RYR3: variants seen among roughly 807,000 people sequenced by gnomAD.
RYR3 encodes ryanodine receptor 3.
In RYR3, 207 loss-of-function variants were observed where a neutral mutation model predicts 584.3. The ratio of observed to expected loss-of-function variants is 0.35; its 90% CI spans 0.32 to 0.40. The LOEUF (loss-of-function observed/expected upper bound fraction) is 0.40, where lower values mean the gene tolerates loss of function less well. RYR3 is among the 10% of genes least tolerant of loss of function. The pLI is 1.00. For synonymous variants in RYR3, 2,416 were observed against 2,248.5 expected (o/e 1.07, Z -2.11); for missense variants, 5,616 against 6,089.2 (o/e 0.92, Z 2.59).
intron 1 of RYR3, among the ~76,000 whole-genome samples, chr15:33,324,393 C>G (rs16969353): frequency 0.11 from 17,295 of 152,146 alleles, 1,514 homozygotes; most frequent in African/African-American, 0.24. Flanking sequence ...AGCACAGAGT[C>G]CAAACATCAC....
intron 96 of RYR3, among the ~76,000 whole-genome samples, chr15:33,853,939 A>G (rs1010922468): frequency 3.3e-5 from 5 of 152,116 alleles, no homozygotes; most frequent in African/African-American, 1.2e-4. Flanking sequence ...CATACCTGTA[A>G]TCCCAGCACT....
intron 1 of RYR3, among the ~76,000 whole-genome samples, chr15:33,470,357 T>A (rs2048830580): frequency 6.6e-6 from 1 of 152,128 alleles, no homozygotes; most frequent in South Asian, 2.1e-4. Flanking sequence ...GAAAATTTTG[T>A]GGTCTTGTTC....
intron 60 of RYR3, among the ~76,000 whole-genome samples, chr15:33,765,632 CAAAAA>C (rs761552773): frequency 3.3e-5 from 2 of 60,950 alleles, no homozygotes; most frequent in Non-Finnish European, 6.7e-5. Flanking sequence ...GACTCCGTCT[CAAAAA>C]AAAAAAAAAA....
intron 3 of RYR3, among the ~76,000 whole-genome samples, chr15:33,520,160 T>G (rs898955183): frequency 2.0e-4 from 31 of 152,346 alleles, no homozygotes; most frequent in African/African-American, 7.5e-4. Context: ...TTATAGCTTG[T>G]GTGGGTAAAG....
intron 2 of RYR3, among the ~76,000 whole-genome samples, chr15:33,492,891 C>T (rs894986851): frequency 2.6e-4 from 40 of 152,140 alleles, no homozygotes; most frequent in Non-Finnish European, 5.1e-4. Flanking sequence ...CCAAGAGACA[C>T]AGATTCTCCC....
intron 1 of RYR3, among the ~76,000 whole-genome samples, chr15:33,349,835 A>G (rs1168681785): frequency 6.7e-6 from 1 of 148,494 alleles, no homozygotes; most frequent in East Asian, 2.0e-4. Context: ...ATGAGTGAGA[A>G]TATGCGGTGT....
At chr15:33,843,124 C>G (rs1723458056) in intron 91 of RYR3, among the ~76,000 whole-genome samples, 1 of 151,904 alleles carries the variant, frequency 6.6e-6, no homozygotes, top group Non-Finnish European at 1.5e-5. Flanking sequence ...TCGAGACCAT[C>G]CTGGCTAACA....
intron 1 of RYR3, among the ~76,000 whole-genome samples, chr15:33,340,736 C>T (rs187796701): frequency 6.6e-6 from 1 of 152,250 alleles, no homozygotes; most frequent in Non-Finnish European, 1.5e-5. Flanking sequence ...CCTTAATTAT[C>T]TCTTTAAAGG....
chr15:33,619,507 T>A (rs1326385371), intron 19 of RYR3, among the ~76,000 whole-genome samples: 1 of 152,136 alleles, frequency 6.6e-6, no homozygotes, highest in Non-Finnish European at 1.5e-5. Flanking sequence ...CTGAGAGAAG[T>A]GGACTGGTAG....
chr15:33,592,142 C>T (rs2059159557), intron 16 of RYR3, among the ~76,000 whole-genome samples: 2 of 152,202 alleles, frequency 1.3e-5, no homozygotes, highest in South Asian at 4.1e-4. Context: ...ACTCCTGTGA[C>T]ACACAACCCC....
At chr15:33,652,690 CT>C in intron 31 of RYR3, 27 bp from the exon 32 acceptor site, 1 of 1,608,830 alleles carries the variant, frequency 6.2e-7, no homozygotes, top group Non-Finnish European at 8.5e-7. Flanking sequence ...AGTCCAGATT[CT>C]GTGCCTTTTC....
chr15:33,522,828 A>C (rs760996033), intron 3 of RYR3, among the ~76,000 whole-genome samples: 1 of 152,126 alleles, frequency 6.6e-6, no homozygotes, highest in East Asian at 1.9e-4. Flanking sequence ...TCATCTGTGC[A>C]TGTGCCCCTC....
intron 1 of RYR3, among the ~76,000 whole-genome samples, chr15:33,446,750 C>T (rs1253274760): frequency 1.3e-5 from 2 of 152,184 alleles, no homozygotes; most frequent in Non-Finnish European, 2.9e-5. Flanking sequence ...CAGTTCAGCC[C>T]ATAATAGTAT....
At chr15:33,860,543 C>G (rs1887803912) in intron 100 of RYR3, 52 bp from the exon 101 acceptor site, 4 of 1,080,696 alleles carry the variant, frequency 3.7e-6, no homozygotes, top group Non-Finnish European at 3.9e-6. Flanking sequence ...TATCATTCCT[C>G]TACCCCTGAA....
At chr15:33,562,766 T>C in intron 10 of RYR3, 71 bp from the exon 11 acceptor site, 1 of 1,141,904 alleles carries the variant, frequency 8.8e-7, no homozygotes, top group South Asian at 1.4e-5. Context: ...TCATAGGTGA[T>C]TCGTTTTGTA....
intron 3 of RYR3, among the ~76,000 whole-genome samples, chr15:33,518,343 A>G (rs117612057): frequency 6.6e-6 from 1 of 151,934 alleles, no homozygotes; most frequent in Non-Finnish European, 1.5e-5. Context: ...TTGAATTATT[A>G]TTTTTTTTCT....
chr15:33,820,714 T>A (rs1293843312), intron 77 of RYR3, 42 bp from the exon 78 acceptor site: 3 of 1,542,196 alleles, frequency 1.9e-6, no homozygotes, highest in East Asian at 2.3e-5. Flanking sequence ...TCCCTTTAAT[T>A]TGATTGTCTG....
chr15:33,594,378 GT>G (rs1257173095), intron 16 of RYR3, among the ~76,000 whole-genome samples: 1 of 152,172 alleles, frequency 6.6e-6, no homozygotes, highest in Non-Finnish European at 1.5e-5. Flanking sequence ...GAGAAGTTAG[GT>G]AGAGAGAAAC....
At position 33,771,846 on chromosome 15, in the gene RYR3, A is replaced by G. The variant is rs570726259; in HGVS notation, c.8817-74A>G. 3.0e-4 allele frequency: 309 copies of G among 1,024,312 alleles called. 1 individual carries two copies. The African/African-American group carries it at 4.3e-3, about 14-fold the overall frequency. The allele number at this position is 1,024,312 out of a possible 1,614,324, so 63.5% of individuals were successfully genotyped here. A position where few individuals can be genotyped will look rare whatever the true frequency, so the allele number is the denominator to read the frequency against. ...AGTGGCAAATGTCTGCCCAGATGAC[A>G]CTGCCAGTTTCAAGAAGGGGATTGG... is the stretch of plus-strand genomic sequence containing the variant. On this transcript the variant is annotated intron_variant, in intron 62 of 103. Transcript: ENST00000634891.
Sources: gnomAD v4.1 joint callset for allele counts (sites outside exome capture counted in the v4.1 genomes callset) on GRCh38, gnomAD v4.1.1 for gene constraint, MANE v1.5 for transcripts, NCBI Gene and HGNC (gene_info 2026-07-23, HGNC 2026-07-21) for gene names.